Variants in PYM1 observed in about 807,000 individuals in gnomAD.
The protein encoded by PYM1 is partner of Y14 and mago.
Under a neutral mutation model 20.7 loss-of-function variants are expected in PYM1, and 7 were observed. That is an observed-to-expected ratio of 0.34 (90% CI 0.19 to 0.64). PYM1 has a LOEUF of 0.64. Ranked by LOEUF, PYM1 falls within the 30% of genes least tolerant of loss-of-function variation. The probability of loss-of-function intolerance (pLI) is 0.74; values close to 1 mark genes in which losing one functional copy is unlikely to be tolerated. For missense variants in PYM1, 194 were observed against 250.0 expected, an observed-to-expected ratio of 0.78 and a Z score of 1.51; for synonymous variants, 100 against 99.2, an observed-to-expected ratio of 1.01 and a Z score of -0.05.
chr12:55,917,699 C>T (rs933274983), intron 1 of PYM1, among the ~76,000 whole-genome samples: 4 of 151,658 alleles, frequency 2.6e-5, no homozygotes, highest in Admixed American at 6.6e-5. Flanking sequence ...CAGTGGCTCA[C>T]GCCTGTAATC....
At chr12:55,920,383 A>T (rs574045188) in intron 1 of PYM1, among the ~76,000 whole-genome samples, 2 of 152,106 alleles carry the variant, frequency 1.3e-5, no homozygotes, top group Non-Finnish European at 2.9e-5. Flanking sequence ...TCATGCCTGT[A>T]ATTCTAGCAT....
chr12:55,919,417 GT>G (rs1883060519), intron 1 of PYM1, among the ~76,000 whole-genome samples: 1 of 152,140 alleles, frequency 6.6e-6, no homozygotes, highest in Non-Finnish European at 1.5e-5. Context: ...GCCTCCCAAA[GT>G]GTTGAGGTTA....
At chr12:55,917,295 C>T (rs1252453592) in intron 1 of PYM1, among the ~76,000 whole-genome samples, 2 of 151,236 alleles carry the variant, frequency 1.3e-5, no homozygotes, top group African/African-American at 4.9e-5. Context: ...GTGGTGGGTG[C>T]CTATAATCTC....
intron 1 of PYM1, among the ~76,000 whole-genome samples, chr12:55,923,504 A>AAG (rs1883135378): frequency 6.6e-6 from 1 of 151,090 alleles, no homozygotes; most frequent in Non-Finnish European, 1.5e-5. Context: ...AGTTAAGACT[A>AAG]CAGTAAATGG....
At chr12:55,906,712 A>G (rs1882823229) in intron 1 of PYM1, among the ~76,000 whole-genome samples, 1 of 152,004 alleles carries the variant, frequency 6.6e-6, no homozygotes, top group East Asian at 1.9e-4. Flanking sequence ...GCAATGGTGC[A>G]GTCTCGGCTC....
chr12:55,908,222 G>T (rs905350555), intron 1 of PYM1, among the ~76,000 whole-genome samples: 2 of 150,940 alleles, frequency 1.3e-5, no homozygotes, highest in Non-Finnish European at 2.9e-5. Context: ...CAACCTGGGC[G>T]ACAGAGAAAG....
At chr12:55,912,737 G>A (rs1882946769) in intron 1 of PYM1, among the ~76,000 whole-genome samples, 1 of 152,098 alleles carries the variant, frequency 6.6e-6, no homozygotes, top group African/African-American at 2.4e-5. Context: ...GGCGGAGGCG[G>A]GTGGATCATC....
chr12:55,927,750 G>C lies in PYM1; in HGVS notation c.12C>G (p.Ala4=). 4 of 1,539,652 alleles carry C rather than the reference G, an allele frequency of 2.6e-6. No homozygotes were observed. The highest frequency in any genetic ancestry group is 1.4e-5 in the African/African-American group (1 of 73,108). Residue 4 remains alanine (A), a synonymous_variant, in exon 1 of 3, where the codon GCC becomes GCG. Coordinates refer to ENST00000408946, the MANE Select transcript of PYM1 (RefSeq NM_032345.3). The stretch of plus-strand genomic sequence containing the variant: ...CTGTCTCCGTAGCCGCAGGGCTGCC[G>C]GCAGCTTCCATGGCCGAAGAGGCAG... MEA[A]GSPAATETGK...
rs1882902915 is a variant in PYM1 at position 55,910,456 on chromosome 12, G to A, written c.38-6976C>T. On this transcript the variant is annotated intron_variant, in intron 1 of 2. Transcript: ENST00000408946. ...CCACACCTGGCTAATTACTGTTTTT[G>A]TTTTTTGACACAGTCTAACCCTGTT... is the stretch of plus-strand genomic sequence containing the variant. 1.3e-5 allele frequency among the ~76,000 whole-genome samples: 2 copies of A among 151,540 alleles called. 1 individual carries two copies. The highest frequency in any genetic ancestry group is 4.2e-4 in the South Asian group (2 of 4,816).
chr12:55,902,924 C>T (rs916178079), intron 2 of PYM1, among the ~76,000 whole-genome samples: 29 of 152,278 alleles, frequency 1.9e-4, no homozygotes, highest in Non-Finnish European at 2.5e-4. Context: ...CGTGCCACCA[C>T]GCCTGGCTGA....
At chr12:55,921,173 G>A (rs1045531168) in intron 1 of PYM1, among the ~76,000 whole-genome samples, 2 of 152,120 alleles carry the variant, frequency 1.3e-5, no homozygotes, top group African/African-American at 4.8e-5. Flanking sequence ...TACTATGCCT[G>A]GTACTTGGCC....
intron 1 of PYM1, among the ~76,000 whole-genome samples, chr12:55,909,388 G>A (rs1882881473): frequency 6.6e-6 from 1 of 152,162 alleles, no homozygotes; most frequent in Admixed American, 6.6e-5. Flanking sequence ...CAGAGACAAG[G>A]GCTGGAATGT....
At chr12:55,917,155 C>A (rs1314370811) in intron 1 of PYM1, among the ~76,000 whole-genome samples, 1 of 151,278 alleles carries the variant, frequency 6.6e-6, no homozygotes, top group African/African-American at 2.4e-5. Flanking sequence ...AGTGGCTCAC[C>A]ATGCCTGCAA....
rs551378138 is a variant in PYM1 at position 55,915,861 on chromosome 12, G to A, written c.37+11864C>T. On this transcript the variant is annotated intron_variant, in intron 1 of 2. Coordinates refer to ENST00000408946, the MANE Select transcript of PYM1 (RefSeq NM_032345.3). Reference sequence around the variant, plus strand: ...CAGAGAAAAGGGAAAGGGGATAAGAGGAACAACAAAAGCAAAATCCTAGCA... The same window carrying A: ...CAGAGAAAAGGGAAAGGGGATAAGAAGAACAACAAAAGCAAAATCCTAGCA... Among the ~76,000 whole-genome samples the A allele has an allele frequency of 2.0e-5, 3 of 152,108 alleles. No homozygotes were observed. In the South Asian group the frequency reaches 6.2e-4, roughly 32 times the overall value.
At chr12:55,925,086 G>A (rs1331208761) in intron 1 of PYM1, among the ~76,000 whole-genome samples, 5 of 152,228 alleles carry the variant, frequency 3.3e-5, no homozygotes, top group African/African-American at 4.8e-5. Flanking sequence ...CTAGCAACAT[G>A]CTGTGGCCTA....
At chr12:55,904,389 C>T (rs1305523420) in intron 1 of PYM1, among the ~76,000 whole-genome samples, 1 of 150,528 alleles carries the variant, frequency 6.6e-6, no homozygotes, top group African/African-American at 2.4e-5. Context: ...GTCAGGAGTT[C>T]GAGACCAGCC....
At chr12:55,923,147 C>G (rs929513504) in intron 1 of PYM1, among the ~76,000 whole-genome samples, 5 of 152,066 alleles carry the variant, frequency 3.3e-5, no homozygotes, top group Admixed American at 2.6e-4. Context: ...TCACTTGAAC[C>G]CGGGAGGCAG....
intron 1 of PYM1, among the ~76,000 whole-genome samples, chr12:55,907,463 CAAAAAAAAAAA>C (rs770960966): frequency 5.8e-5 from 3 of 52,006 alleles, no homozygotes; most frequent in Non-Finnish European, 1.3e-4. Context: ...TACATAAATA[CAAAAAAAAAAA>C]AAAAAAAAAA....
Position 55,905,889 on chromosome 12 carries a change from T to TATCTAATAGA in PYM1, c.38-2410_38-2409insTCTATTAGAT, listed in dbSNP as rs1491324542. Among the ~76,000 whole-genome samples, 194 of 71,400 alleles carry TATCTAATAGA rather than the reference T, an allele frequency of 2.7e-3. 17 individuals are homozygous for TATCTAATAGA. Among genetic ancestry groups the TATCTAATAGA allele is most frequent in the Non-Finnish European group, 5.1e-3 (168 of 33,204 alleles). 46.8% of individuals were successfully genotyped at this position (71,400 alleles called of 152,430 possible). A position where few individuals can be genotyped will look rare whatever the true frequency, so the allele number is the denominator to read the frequency against. ...TATATATATCTATTAGATATATATA[T>TATCTAATAGA]TATTATATATATCTAATAGATATAT... On this transcript the variant is annotated intron_variant, in intron 1 of 2. Transcript: ENST00000408946.
Sources: allele counts gnomAD v4.1 joint callset (sites outside exome capture counted in the v4.1 genomes callset), GRCh38; gene constraint gnomAD v4.1.1; transcripts MANE v1.5; gene names NCBI Gene and HGNC (gene_info 2026-07-23, HGNC 2026-07-21).